MCTP1: variants seen among roughly 807,000 people sequenced by gnomAD.
MCTP1 encodes the protein multiple C2 and transmembrane domain containing 1, also known as multiple C2 and transmembrane domain-containing protein 1.
Under a neutral mutation model 120.6 loss-of-function variants are expected in MCTP1, and 69 were observed. The observed-to-expected ratio is 0.57, with a 90% CI of 0.47 to 0.70. MCTP1 has a LOEUF of 0.70. Ranked by LOEUF, MCTP1 falls within the 30% of genes least tolerant of loss-of-function variation. The pLI, the probability that MCTP1 is intolerant of heterozygous loss-of-function variation, is 0.00. For synonymous variants in MCTP1, 529 were observed against 493.1 expected (o/e 1.07, Z -0.96); for missense variants, 1,203 against 1,248.8 (o/e 0.96, Z 0.55).
intron 17 of MCTP1, among the ~76,000 whole-genome samples, chr5:94,864,195 C>T (rs888982962): frequency 6.6e-6 from 1 of 151,864 alleles, no homozygotes; most frequent in African/African-American, 2.4e-5. Context: ...AGGGCTGAAG[C>T]CAGTAGCCCT....
At chr5:94,799,504 T>TA (rs1429694907) in intron 17 of MCTP1, among the ~76,000 whole-genome samples, 3 of 152,052 alleles carry the variant, frequency 2.0e-5, no homozygotes, top group Non-Finnish European at 4.4e-5. Flanking sequence ...GCCTTAATGA[T>TA]AAAAAATGAA....
chr5:95,220,067 A>G (rs372359310), intron 1 of MCTP1, among the ~76,000 whole-genome samples: 25 of 152,360 alleles, frequency 1.6e-4, no homozygotes, highest in African/African-American at 5.8e-4. Flanking sequence ...CAAAGGTAGT[A>G]TTAGTTGCTA....
chr5:95,260,623 A>G (rs1017692956), intron 1 of MCTP1, among the ~76,000 whole-genome samples: 2 of 152,142 alleles, frequency 1.3e-5, no homozygotes, highest in African/African-American at 4.8e-5. Flanking sequence ...GTGTATATAT[A>G]TATCTTTTCC....
chr5:95,136,823 A>G (rs1005908522), intron 1 of MCTP1, among the ~76,000 whole-genome samples: 7 of 152,256 alleles, frequency 4.6e-5, no homozygotes, highest in Admixed American at 2.6e-4. Flanking sequence ...AAGGCAGAGC[A>G]ATAGTCACTA....
At chr5:94,963,420 A>T in intron 2 of MCTP1, among the ~76,000 whole-genome samples, 1 of 147,284 alleles carries the variant, frequency 6.8e-6, no homozygotes, top group Admixed American at 6.9e-5. Flanking sequence ...TTAGATTCCC[A>T]TTAACAGTGA....
At chr5:95,128,438 G>A (rs944463224) in intron 1 of MCTP1, among the ~76,000 whole-genome samples, 4 of 152,248 alleles carry the variant, frequency 2.6e-5, no homozygotes, top group Middle Eastern at 3.2e-3. Flanking sequence ...ATCAACTGAT[G>A]AATGGGTAAG....
At chr5:95,250,585 C>T (rs1757289377) in intron 1 of MCTP1, among the ~76,000 whole-genome samples, 1 of 152,150 alleles carries the variant, frequency 6.6e-6, no homozygotes, top group Non-Finnish European at 1.5e-5. Flanking sequence ...CATCCACATC[C>T]TAGCTGGGCA....
intron 19 of MCTP1, among the ~76,000 whole-genome samples, chr5:94,765,134 C>A (rs1430501817): frequency 6.6e-6 from 1 of 151,826 alleles, no homozygotes; most frequent in Non-Finnish European, 1.5e-5. Context: ...AAACAACATG[C>A]CGCTAAACAA....
At chr5:94,764,359 C>T (rs1410151531) in intron 19 of MCTP1, among the ~76,000 whole-genome samples, 2 of 152,176 alleles carry the variant, frequency 1.3e-5, no homozygotes, top group African/African-American at 4.8e-5. Flanking sequence ...GCCCACCATG[C>T]TAACTAACAT....
Position 95,112,765 on chromosome 5 carries a change from C to A in MCTP1, c.721-95281G>T, listed in dbSNP as rs150323365. 3.7e-3 allele frequency among the ~76,000 whole-genome samples: 568 copies of A among 152,064 alleles called. 4 individuals are homozygous for A. Among genetic ancestry groups the A allele is most frequent in the African/African-American group, 0.013 (528 of 41,498 alleles). On this transcript the variant is annotated intron_variant, in intron 1 of 22. Transcript: ENST00000515393. ...TGTTAAAAATGTGAAATAAAAAGTT[C>A]ATCTTAGAGTCAATGAAATTAATTA...
chr5:94,928,577 A>G (rs1338009594), intron 6 of MCTP1, among the ~76,000 whole-genome samples: 2 of 152,198 alleles, frequency 1.3e-5, no homozygotes, highest in Non-Finnish European at 2.9e-5. Context: ...TTAAAATAAC[A>G]TAATTCTATA....
chr5:94,777,019 A>G (rs1775500915), intron 19 of MCTP1, among the ~76,000 whole-genome samples: 2 of 137,626 alleles, frequency 1.5e-5, no homozygotes, highest in African/African-American at 5.0e-5. Context: ...TTTTATTCAG[A>G]TATGATTTTT....
chr5:95,212,580 A>G (rs955196349), intron 1 of MCTP1, among the ~76,000 whole-genome samples: 1 of 152,142 alleles, frequency 6.6e-6, no homozygotes, highest in African/African-American at 2.4e-5. Flanking sequence ...TTTTAGACCA[A>G]TATCCTTGAT....
At chr5:95,094,843 A>T (rs1035176978) in intron 1 of MCTP1, among the ~76,000 whole-genome samples, 3 of 151,926 alleles carry the variant, frequency 2.0e-5, no homozygotes, top group Admixed American at 6.6e-5. Context: ...CTGTTAATAT[A>T]CCAGATTTTT....
In MCTP1 at chr5:94,706,021, AATACTTTAAAAATC is replaced by A. The variant is rs1754489751; in HGVS notation, c.*1461_*1474del. On this transcript the variant is annotated 3_prime_UTR_variant, in exon 23 of 23. Coordinates refer to ENST00000515393, the MANE Select transcript of MCTP1 (RefSeq NM_024717.7). ...TTTAACAACTTATCTCTAAAATAAA[AATACTTTAAAAATC>A]AGCTTCAATGAGATTACATTTATTG... is the stretch of plus-strand genomic sequence containing the variant. 6.6e-6 allele frequency: 1 copy of A among 151,748 alleles called. No individual in the cohort carries two copies. Among genetic ancestry groups the A allele is most frequent in the South Asian group, 2.1e-4 (1 of 4,826 alleles). 9.4% of individuals were successfully genotyped at this position (151,748 alleles called of 1,614,324 possible). A position where few individuals can be genotyped will look rare whatever the true frequency, so the allele number is the denominator to read the frequency against.
chr5:94,888,888 C>A lies in MCTP1; in HGVS notation c.1924G>T (p.Asp642Tyr), dbSNP rs748879228. ...TTGCATCATCTCTTACCAGTGACGT[C>A]GGCAGCCATTAACCCTTCCGCTCTG... ...VIRAEGLMAA[D>Y]VTGKSDPFCV... The change falls in exon 12 of 23, where the codon GAC (aspartate) becomes TAC (tyrosine). Residue 642 changes from aspartate to tyrosine, a missense_variant. This residue lies in a region of MCTP1 where 740 missense variants were observed against 871.1 expected (regional missense o/e 0.85). Coordinates refer to ENST00000515393, the MANE Select transcript of MCTP1 (RefSeq NM_024717.7). The A allele has an allele frequency of 6.2e-7, 1 of 1,609,514 alleles. No homozygotes were observed. Among genetic ancestry groups the A allele is most frequent in the Admixed American group, 1.7e-5 (1 of 60,000 alleles).
chr5:95,042,269 G>T (rs1842480655), intron 1 of MCTP1, among the ~76,000 whole-genome samples: 1 of 152,104 alleles, frequency 6.6e-6, no homozygotes, highest in African/African-American at 2.4e-5. Flanking sequence ...AATGTATTAG[G>T]TTACAGTGAA....
At chr5:95,055,441 T>C (rs1747125762) in intron 1 of MCTP1, among the ~76,000 whole-genome samples, 1 of 152,266 alleles carries the variant, frequency 6.6e-6, no homozygotes, top group African/African-American at 2.4e-5. Flanking sequence ...GTTGAATACT[T>C]ACTATGTGCC....
chr5:95,006,252 C>T (rs907487484), intron 2 of MCTP1, among the ~76,000 whole-genome samples: 1 of 151,824 alleles, frequency 6.6e-6, no homozygotes, highest in Non-Finnish European at 1.5e-5. Flanking sequence ...TATACACACA[C>T]ATACACACAT....
Sources: gnomAD v4.1 joint callset for allele counts (sites outside exome capture counted in the v4.1 genomes callset) on GRCh38, gnomAD v4.1.1 for gene constraint, gnomAD v4.1.1 regional missense constraint, MANE v1.5 for transcripts, NCBI Gene and HGNC (gene_info 2026-07-23, HGNC 2026-07-21) for gene names.